KDM4B: variants seen among roughly 807,000 people sequenced by gnomAD.
The protein encoded by KDM4B is lysine demethylase 4B.
KDM4B carries 32 observed loss-of-function variants against 125.2 expected under a neutral mutation model. That is an observed-to-expected ratio of 0.26 (90% CI 0.19 to 0.34). The LOEUF (loss-of-function observed/expected upper bound fraction) is 0.34. KDM4B is among the 10% of genes least tolerant of loss of function. The probability of loss-of-function intolerance (pLI) is 1.00; values close to 1 mark genes in which losing one functional copy is unlikely to be tolerated. For synonymous variants in KDM4B, 721 were observed against 677.9 expected, an observed-to-expected ratio of 1.06 and a Z score of -0.99; for missense variants, 1,190 against 1,577.7, an observed-to-expected ratio of 0.75 and a Z score of 4.16.
At chr19:5,113,837 C>T (rs2039200177) in intron 10 of KDM4B, 1 of 968,710 alleles carries the variant, frequency 1.0e-6, no homozygotes, top group African/African-American at 1.8e-5. Flanking sequence ...TGCAGTCCAG[C>T]CTTCCCTGCC....
chr19:5,034,624 G>A (rs79942096), intron 3 of KDM4B, among the ~76,000 whole-genome samples: 9,303 of 152,264 alleles, frequency 0.061, 311 homozygotes, highest in Admixed American at 0.093. Flanking sequence ...TTTGCTGAGC[G>A]CTGAGGCCTC....
intron 12 of KDM4B, 99 bp from the exon 13 acceptor site, chr19:5,131,788 A>G: frequency 2.0e-6 from 3 of 1,485,728 alleles, no homozygotes; most frequent in Non-Finnish European, 2.8e-6. Flanking sequence ...AGGAGAGGAG[A>G]CTCAGGCCTC....
intron 1 of KDM4B, among the ~76,000 whole-genome samples, chr19:4,976,782 G>A (rs1468336858): frequency 6.6e-6 from 1 of 152,204 alleles, no homozygotes; most frequent in Non-Finnish European, 1.5e-5. Flanking sequence ...CAGTAGCCGA[G>A]TGGGGGACTG....
At chr19:5,120,919 T>C (rs1323440393) in intron 11 of KDM4B, among the ~76,000 whole-genome samples, 2 of 152,162 alleles carry the variant, frequency 1.3e-5, no homozygotes, top group South Asian at 4.1e-4. Flanking sequence ...AGTCCTCAGT[T>C]TCCCTCTGTA....
intron 6 of KDM4B, among the ~76,000 whole-genome samples, chr19:5,059,355 C>T (rs867808111): frequency 3.3e-5 from 5 of 152,222 alleles, no homozygotes; most frequent in African/African-American, 9.6e-5. Flanking sequence ...AGGATGGGGC[C>T]GATGACAGCG....
chr19:5,131,027 C>T (rs1366939550), intron 11 of KDM4B, 49 bp from the exon 12 acceptor site: 3 of 1,349,582 alleles, frequency 2.2e-6, no homozygotes, highest in East Asian at 2.4e-5. Flanking sequence ...GTGGGACCAG[C>T]ACTTGAGCCC....
intron 1 of KDM4B, among the ~76,000 whole-genome samples, chr19:5,004,388 C>T (rs752675845): frequency 3.9e-5 from 6 of 152,180 alleles, no homozygotes; most frequent in Non-Finnish European, 7.4e-5. Flanking sequence ...GTTCTCACCG[C>T]GCATCCCGCC....
chr19:5,103,788 G>A (rs1427525408), intron 9 of KDM4B, among the ~76,000 whole-genome samples: 2 of 152,352 alleles, frequency 1.3e-5, no homozygotes, highest in African/African-American at 4.8e-5. Flanking sequence ...GAACAGCCCC[G>A]AGCCCAGGGG....
At chr19:5,126,588 T>C (rs1041878945) in intron 11 of KDM4B, among the ~76,000 whole-genome samples, 3 of 152,210 alleles carry the variant, frequency 2.0e-5, no homozygotes, top group Non-Finnish European at 4.4e-5. Flanking sequence ...CCCGGAGTGC[T>C]GCTCTCAGGA....
intron 12 of KDM4B, 91 bp downstream of exon 12, chr19:5,131,636 C>A: frequency 1.6e-5 from 2 of 122,670 alleles, no homozygotes; most frequent in East Asian, 1.6e-4. Context: ...GAGCTGGTGG[C>A]GGGGGAGGGG....
chr19:5,116,533 A>G (rs1375523448), intron 10 of KDM4B, among the ~76,000 whole-genome samples: 1 of 152,214 alleles, frequency 6.6e-6, no homozygotes, highest in African/African-American at 2.4e-5. Context: ...GGGTTGAGGA[A>G]ACAAGATCTA....
At position 5,151,491 on chromosome 19, in the gene KDM4B, C is replaced by G; in HGVS notation, c.3271C>G (p.Arg1091Gly). 6.9e-7 allele frequency: 1 copy of G among 1,452,432 alleles called. No individual in the cohort carries two copies. Among genetic ancestry groups the G allele is most frequent in the African/African-American group, 1.5e-5 (1 of 68,564 alleles). 90.0% of individuals were successfully genotyped at this position (1,452,432 alleles called of 1,614,324 possible). The change falls in exon 23 of 23, where the codon CGG (arginine) becomes GGG (glycine). Residue 1091 changes from arginine to glycine, a missense_variant. Arg to Gly is a moderately radical substitution (Grantham distance 125). Transcript: ENST00000159111. The stretch of plus-strand genomic sequence containing the variant: ...GGAGAGCCTCCTGCAGGTGCAGGGC[C>G]GGCCCGGAGCCCCCTTCTAGGACAG... ...FVESLLQVQG[R>G]PGAPF
At chr19:5,028,299 T>C (rs1057348885) in intron 2 of KDM4B, among the ~76,000 whole-genome samples, 10 of 152,184 alleles carry the variant, frequency 6.6e-5, no homozygotes, top group Non-Finnish European at 1.3e-4. Flanking sequence ...AACATTGGCA[T>C]CCCCTACAGA....
intron 7 of KDM4B, among the ~76,000 whole-genome samples, chr19:5,073,257 C>G (rs2038002946): frequency 6.6e-6 from 1 of 152,276 alleles, no homozygotes. Flanking sequence ...TCAGGGAGCA[C>G]CTGTGGGCTC....
intron 2 of KDM4B, among the ~76,000 whole-genome samples, chr19:5,021,112 T>C (rs2036104051): frequency 6.8e-6 from 1 of 147,154 alleles, no homozygotes; most frequent in Admixed American, 6.9e-5. Flanking sequence ...ACCACTGCAC[T>C]CCACCTGGGC....
chr19:5,043,909 T>A (rs1192562531), intron 5 of KDM4B, among the ~76,000 whole-genome samples: 1 of 110,068 alleles, frequency 9.1e-6, no homozygotes. Flanking sequence ...GGTGTCCACC[T>A]TATCCCGCGT....
chr19:5,126,515 C>G (rs1257397922), intron 11 of KDM4B, among the ~76,000 whole-genome samples: 1 of 152,206 alleles, frequency 6.6e-6, no homozygotes, highest in Non-Finnish European at 1.5e-5. Flanking sequence ...GTCCTGCCTC[C>G]CAGAGGGTGG....
At chr19:4,994,288 C>A (rs922881937) in intron 1 of KDM4B, among the ~76,000 whole-genome samples, 3 of 148,278 alleles carry the variant, frequency 2.0e-5, no homozygotes, top group African/African-American at 7.4e-5. Flanking sequence ...AGAGTGTCCC[C>A]TGGCTGGGCG....
At chr19:5,008,904 GC>G (rs2035644808) in intron 1 of KDM4B, among the ~76,000 whole-genome samples, 1 of 110,354 alleles carries the variant, frequency 9.1e-6, no homozygotes, top group Admixed American at 9.4e-5. Context: ...CCTGGCCCCT[GC>G]CTTTTTTTTT....
Sources: allele counts gnomAD v4.1 joint callset (sites outside exome capture counted in the v4.1 genomes callset), GRCh38; gene constraint gnomAD v4.1.1; transcripts MANE v1.5; gene names NCBI Gene and HGNC (gene_info 2026-07-23, HGNC 2026-07-21).